Variants in PCDHA7 observed in about 807,000 individuals in gnomAD.
PCDHA7 encodes protocadherin alpha-7.
Under a neutral mutation model 57.2 loss-of-function variants are expected in PCDHA7, and 37 were observed. The observed-to-expected ratio is 0.65, with a 90% CI of 0.50 to 0.85. The LOEUF is 0.85. PCDHA7 is among the 40% of genes least tolerant of loss of function. The pLI is 0.00. For missense variants in PCDHA7, 1,188 were observed against 1,241.8 expected, an observed-to-expected ratio of 0.96 and a Z score of 0.65; for synonymous variants, 553 against 558.8, an observed-to-expected ratio of 0.99 and a Z score of 0.15.
intron 1 of PCDHA7, among the ~76,000 whole-genome samples, chr5:140,872,937 A>C (rs2053993403): frequency 6.6e-6 from 1 of 152,034 alleles, no homozygotes; most frequent in South Asian, 2.1e-4. Flanking sequence ...TGTTTTTGAA[A>C]TTTTCTTTCC....
intron 3 of PCDHA7, among the ~76,000 whole-genome samples, chr5:141,007,652 A>T (rs2098338412): frequency 6.6e-6 from 1 of 152,112 alleles, no homozygotes; most frequent in African/African-American, 2.4e-5. Flanking sequence ...TGCCTAAAAA[A>T]CCATAAATTT....
At chr5:140,840,225 A>G (rs1261642002) in intron 1 of PCDHA7, among the ~76,000 whole-genome samples, 2 of 152,034 alleles carry the variant, frequency 1.3e-5, no homozygotes, top group Non-Finnish European at 2.9e-5. Flanking sequence ...CATATGAGTA[A>G]ATGTGGAGAA....
At chr5:140,848,429 G>T (rs1781516011) in intron 1 of PCDHA7, 1 of 1,456,608 alleles carries the variant, frequency 6.9e-7, no homozygotes, top group Admixed American at 1.9e-5. Flanking sequence ...TGGGACTGAC[G>T]AAATCAGATG....
intron 1 of PCDHA7, among the ~76,000 whole-genome samples, chr5:140,974,337 T>TA (rs2096623719): frequency 6.6e-6 from 1 of 152,214 alleles, no homozygotes; most frequent in Admixed American, 6.5e-5. Context: ...GCTAGCAGGC[T>TA]ATGCATCCAG....
rs1554169514 is a variant in PCDHA7, at chr5:140,877,250, A to C, written c.2355+40512A>C. On this transcript the variant is annotated intron_variant, in intron 1 of 3. Transcript: ENST00000525929. Reference sequence around the variant, plus strand: ...GTGGGTGCGGGCCACGTGGTGGCGAAAGTGCGCGCGGTGGACGCTGACTCC... The same window carrying C: ...GTGGGTGCGGGCCACGTGGTGGCGACAGTGCGCGCGGTGGACGCTGACTCC... 1.9e-6 allele frequency: 3 copies of C among 1,613,668 alleles called. No homozygotes were observed. In the African/African-American group the frequency reaches 4.0e-5, roughly 22 times the overall value.
intron 1 of PCDHA7, among the ~76,000 whole-genome samples, chr5:140,944,313 G>A (rs2093639720): frequency 6.6e-6 from 1 of 152,066 alleles, no homozygotes; most frequent in Non-Finnish European, 1.5e-5. Context: ...TCAGCCTCCT[G>A]AGTAGCTGGG....
Position 140,876,608 on chromosome 5 carries a change from C to T in PCDHA7, c.2355+39870C>T, listed in dbSNP as rs1267902187. On this transcript the variant is annotated intron_variant, in intron 1 of 3. Transcript: ENST00000525929. ...CTGATTAGCGTGTCGGATCGTGACT[C>T]TGGAGCCAATGGACAGGTCATCTGC... The T allele has an allele frequency of 5.0e-6, 8 of 1,614,070 alleles. No individual in the cohort carries two copies. The highest frequency in any genetic ancestry group is 5.9e-6 in the Non-Finnish European group (7 of 1,180,040).
chr5:140,869,125 G>T (rs371936789), intron 1 of PCDHA7: 4 of 1,611,550 alleles, frequency 2.5e-6, no homozygotes, highest in East Asian at 4.5e-5. Context: ...TCAGAGAAGG[G>T]GATTGGGCAC....
chr5:141,005,821 C>T (rs557161446), intron 3 of PCDHA7, among the ~76,000 whole-genome samples: 1 of 150,884 alleles, frequency 6.6e-6, no homozygotes, highest in African/African-American at 2.4e-5. Context: ...GGTATGGTGG[C>T]CTGTAGTCCC....
chr5:140,876,764 G>A (rs1562718507), intron 1 of PCDHA7: 3 of 1,614,220 alleles, frequency 1.9e-6, no homozygotes, highest in Non-Finnish European at 2.5e-6. Context: ...CGGGATGGGG[G>A]CTCGCCTTCG....
intron 1 of PCDHA7, chr5:140,927,106 A>C (rs782151576): frequency 6.2e-7 from 1 of 1,613,678 alleles, no homozygotes; most frequent in Non-Finnish European, 8.5e-7. Context: ...GGATCTACCC[A>C]GCGGCAATTT....
chr5:140,924,766 G>A (rs543178519), intron 1 of PCDHA7, among the ~76,000 whole-genome samples: 1 of 151,878 alleles, frequency 6.6e-6, no homozygotes, highest in East Asian at 1.9e-4. Context: ...ATGGTGGTGC[G>A]CGCTTGTAGT....
intron 2 of PCDHA7, chr5:140,982,235 T>C (rs782570505): frequency 2.6e-5 from 17 of 646,792 alleles, no homozygotes; most frequent in Non-Finnish European, 3.9e-5. Flanking sequence ...AAAAACAGAA[T>C]TGCCATAAAG....
intron 1 of PCDHA7, among the ~76,000 whole-genome samples, chr5:140,915,981 C>T (rs11167655): frequency 0.33 from 49,706 of 151,966 alleles, 8,424 homozygotes; most frequent in East Asian, 0.53. Flanking sequence ...TATTTGACTA[C>T]GGCTAAGCTG....
rs148631412 is a variant in PCDHA7, at chr5:140,929,183, C to T, written c.2356-49766C>T. On this transcript the variant is annotated intron_variant, in intron 1 of 3. Transcript: ENST00000525929. ...TATCGGGCCTCTCTGGGACTTGGTT[C>T]TGATAATAACAGTTTGCTGTTGCGT... is the stretch of plus-strand genomic sequence containing the variant. 62 of 1,614,144 alleles carry T rather than the reference C, an allele frequency of 3.8e-5. No individual in the cohort carries two copies. The highest frequency in any genetic ancestry group is 4.8e-5 in the Non-Finnish European group (57 of 1,180,012).
rs1311256758 is a variant in PCDHA7 at position 140,857,805 on chromosome 5, C to A, written c.2355+21067C>A. 13 of 1,597,714 alleles carry A rather than the reference C, an allele frequency of 8.1e-6. 1 individual carries two copies. The highest frequency in any genetic ancestry group is 1.7e-5 in the Admixed American group (1 of 59,256). On this transcript the variant is annotated intron_variant, in intron 1 of 3. Transcript: ENST00000525929. ...GAGCTGGTGCTGCGGTCGGTGGTTG[C>A]GGGTCACGTGGTGGCTAAGGTGCGC... is the stretch of plus-strand genomic sequence containing the variant.
intron 1 of PCDHA7, chr5:140,966,863 C>G: frequency 6.4e-7 from 1 of 1,562,680 alleles, no homozygotes; most frequent in Non-Finnish European, 8.6e-7. Flanking sequence ...GCTGCTGTTG[C>G]TGCTGCTGCT....
chr5:140,843,556 G>A, intron 1 of PCDHA7: 1 of 1,595,980 alleles, frequency 6.3e-7, no homozygotes, highest in Non-Finnish European at 8.6e-7. Context: ...CCAGTGCGGT[G>A]GGGAGCTGGT....
At position 140,875,233 on chromosome 5, in the gene PCDHA7, G is replaced by A. The variant is rs1379502066; in HGVS notation, c.2355+38495G>A. Reference sequence around the variant, plus strand: ...CGAAAAGAACCTCAGGATCTTTCTTGTACTTACATAATCAGTCACATGATG... The same window carrying A: ...CGAAAAGAACCTCAGGATCTTTCTTATACTTACATAATCAGTCACATGATG... On this transcript the variant is annotated intron_variant, in intron 1 of 3. Coordinates refer to ENST00000525929, the MANE Select transcript of PCDHA7 (RefSeq NM_018910.3). The A allele has an allele frequency of 3.5e-6, 3 of 863,762 alleles. No individual in the cohort carries two copies. The African/African-American group carries it at 5.1e-5, about 15-fold the overall frequency. The allele number at this position is 863,762 out of a possible 1,614,324, so 53.5% of individuals were successfully genotyped here. A position where few individuals can be genotyped will look rare whatever the true frequency, so the allele number is the denominator to read the frequency against.
Sources: gnomAD v4.1 joint callset for allele counts (sites outside exome capture counted in the v4.1 genomes callset) on GRCh38, gnomAD v4.1.1 for gene constraint, MANE v1.5 for transcripts, NCBI Gene and HGNC (gene_info 2026-07-23, HGNC 2026-07-21) for gene names.